The following CRTC3 variants were observed in gnomAD, a reference collection of about 807,000 sequenced individuals.
The protein encoded by CRTC3 is CREB regulated transcription coactivator 3, also known as CREB-regulated transcription coactivator 3.
In CRTC3, 26 loss-of-function variants were observed where a neutral mutation model predicts 74.5. The observed-to-expected ratio is 0.35, with a 90% CI of 0.26 to 0.48. The LOEUF (loss-of-function observed/expected upper bound fraction) is 0.48, where lower values mean the gene tolerates loss of function less well. Ranked by LOEUF, CRTC3 falls within the 20% of genes least tolerant of loss-of-function variation. The pLI, the probability that CRTC3 is intolerant of heterozygous loss-of-function variation, is 0.99. For missense variants in CRTC3, 760 were observed against 787.3 expected (o/e 0.97, Z 0.41); for synonymous variants, 377 against 325.8 (o/e 1.16, Z -1.69).
At chr15:90,637,338 G>T (rs1195092380) in intron 11 of CRTC3, among the ~76,000 whole-genome samples, 1 of 152,128 alleles carries the variant, frequency 6.6e-6, no homozygotes, top group Non-Finnish European at 1.5e-5. Flanking sequence ...CTCACTCATA[G>T]GTGGGAATTG....
At chr15:90,630,290 G>C (rs1968989867) in intron 11 of CRTC3, among the ~76,000 whole-genome samples, 2 of 152,176 alleles carry the variant, frequency 1.3e-5, no homozygotes, top group African/African-American at 2.4e-5. Flanking sequence ...CCTTCCTGAA[G>C]CTTTGATAAT....
chr15:90,577,770 G>A (rs1374654554), intron 2 of CRTC3, among the ~76,000 whole-genome samples: 2 of 152,098 alleles, frequency 1.3e-5, no homozygotes, highest in African/African-American at 4.8e-5. Context: ...AGTGAAATAA[G>A]AGAAAGACAA....
chr15:90,549,672 C>T (rs528266265), intron 2 of CRTC3, among the ~76,000 whole-genome samples: 111 of 150,344 alleles, frequency 7.4e-4, no homozygotes, highest in Non-Finnish European at 1.1e-3. Context: ...TGTATACATG[C>T]TCTTATTCAC....
At chr15:90,598,145 C>G in intron 3 of CRTC3, 1 of 384,410 alleles carries the variant, frequency 2.6e-6, no homozygotes, top group Non-Finnish European at 4.8e-6. Flanking sequence ...ACACAGAGTT[C>G]CAGAGCAGGA....
chr15:90,582,622 G>A (rs1219845481), intron 2 of CRTC3, among the ~76,000 whole-genome samples: 1 of 152,146 alleles, frequency 6.6e-6, no homozygotes, highest in Non-Finnish European at 1.5e-5. Context: ...ATATAACACT[G>A]TATTGTTAAT....
intron 2 of CRTC3, among the ~76,000 whole-genome samples, chr15:90,592,042 T>TAA (rs1305456790): frequency 6.6e-6 from 1 of 152,234 alleles, no homozygotes; most frequent in Non-Finnish European, 1.5e-5. Flanking sequence ...TCGGAACTGT[T>TAA]AGACTAATTT....
chr15:90,626,140 G>T, intron 10 of CRTC3, 147 bp downstream of exon 10: 1 of 695,234 alleles, frequency 1.4e-6, no homozygotes, highest in Non-Finnish European at 2.5e-6. Context: ...TGACCCTGCG[G>T]ACATTTTTCT....
At chr15:90,565,045 C>A (rs936416885) in intron 2 of CRTC3, among the ~76,000 whole-genome samples, 11 of 152,172 alleles carry the variant, frequency 7.2e-5, no homozygotes, top group African/African-American at 2.7e-4. Flanking sequence ...CGGGTTCAAG[C>A]GATTCTCCTG....
chr15:90,578,494 T>C (rs1967459658), intron 2 of CRTC3, among the ~76,000 whole-genome samples: 1 of 151,646 alleles, frequency 6.6e-6, no homozygotes, highest in African/African-American at 2.4e-5. Context: ...ACAGAGGGTA[T>C]AGTAAGCTGA....
At chr15:90,594,714 C>T (rs916832048) in intron 3 of CRTC3, 2 of 152,116 alleles carry the variant, frequency 1.3e-5, no homozygotes, top group East Asian at 1.9e-4. Context: ...CTCACTGAGT[C>T]GTTAATTTTT....
In CRTC3 at chr15:90,604,439, A is replaced by G; in HGVS notation, c.468A>G (p.Ala156=). The part of the protein sequence containing the change: ...EKHPGFRLTS[A]LNRTNSDSAL... ...ATCCTGGGTTCAGGCTGACATCTGCACTTAACAGGTACATGGGTTGTTTCC... is the reference window on the plus strand; with the variant it reads ...ATCCTGGGTTCAGGCTGACATCTGCGCTTAACAGGTACATGGGTTGTTTCC... The change falls in exon 5 of 15, where the codon GCA becomes GCG. Residue 156 remains alanine (A), a synonymous_variant. Transcript: ENST00000268184. 6 of 1,613,178 alleles carry G rather than the reference A, an allele frequency of 3.7e-6. No individual in the cohort carries two copies. Among genetic ancestry groups the G allele is most frequent in the East Asian group, 2.2e-5 (1 of 44,888 alleles).
At chr15:90,602,871 G>A (rs1000708568) in intron 4 of CRTC3, among the ~76,000 whole-genome samples, 1 of 152,000 alleles carries the variant, frequency 6.6e-6, no homozygotes, top group Non-Finnish European at 1.5e-5. Context: ...CTACTTGGGA[G>A]GCTGAAGCAG....
intron 2 of CRTC3, among the ~76,000 whole-genome samples, chr15:90,584,394 T>C (rs567078538): frequency 3.6e-4 from 55 of 152,178 alleles, no homozygotes; most frequent in Non-Finnish European, 6.0e-4. Context: ...TGTACCACCA[T>C]GCTTGGCTAA....
chr15:90,633,963 G>C (rs11073941), intron 11 of CRTC3, among the ~76,000 whole-genome samples: 35,163 of 151,060 alleles, frequency 0.23, 4,445 homozygotes, highest in African/African-American at 0.35. Flanking sequence ...TTATTCCACA[G>C]ATGCAATATC....
Position 90,628,445 on chromosome 15 carries a change from C to G in CRTC3, c.968-789C>G, listed in dbSNP as rs1302967775. The stretch of plus-strand genomic sequence containing the variant: ...AGCAGCAGCAGCCGAATAATTGATT[C>G]ACTGGGCGAACCTGCTCCATGCCAG... On this transcript the variant is annotated intron_variant, in intron 10 of 14. Coordinates refer to ENST00000268184, the MANE Select transcript of CRTC3 (RefSeq NM_022769.5). Among the ~76,000 whole-genome samples the G allele has an allele frequency of 2.6e-5, 4 of 152,144 alleles. 1 individual carries two copies. In the East Asian group the frequency reaches 5.8e-4, roughly 22 times the overall value.
intron 2 of CRTC3, among the ~76,000 whole-genome samples, chr15:90,557,893 G>A (rs1420672078): frequency 6.6e-6 from 1 of 152,094 alleles, no homozygotes; most frequent in Non-Finnish European, 1.5e-5. Flanking sequence ...GTTTCCCTGT[G>A]CCTTGTTTTT....
intron 2 of CRTC3, among the ~76,000 whole-genome samples, chr15:90,548,008 C>CCCTCAG (rs1383233515): frequency 1.3e-5 from 2 of 151,718 alleles, no homozygotes; most frequent in Admixed American, 6.6e-5. Context: ...CCTGTCTCAG[C>CCCTCAG]CCCCCAGGGT....
intron 10 of CRTC3, among the ~76,000 whole-genome samples, chr15:90,628,146 G>A (rs753978172): frequency 6.6e-6 from 1 of 151,570 alleles, no homozygotes; most frequent in Non-Finnish European, 1.5e-5. Flanking sequence ...GAACCCGGGA[G>A]ACGGAGCTTG....
chr15:90,642,078 G>C lies in CRTC3; in HGVS notation c.1798G>C (p.Asp600His). 1.2e-6 allele frequency: 2 copies of C among 1,614,042 alleles called. No homozygotes were observed. The highest frequency in any genetic ancestry group is 2.2e-5 in the East Asian group (1 of 44,884). ...LSLDGLNMLS[D>H]SSMGLLDPSV... The stretch of plus-strand genomic sequence containing the variant: ...CCTGGACGGACTCAACATGTTAAGT[G>C]ACTCCAGCATGGGCCTGCTGGACCC... Residue 600 changes from aspartate to histidine, a missense_variant, in exon 15 of 15, where the codon GAC becomes CAC. Coordinates refer to ENST00000268184, the MANE Select transcript of CRTC3 (RefSeq NM_022769.5).
Sources: allele counts gnomAD v4.1 joint callset (sites outside exome capture counted in the v4.1 genomes callset), GRCh38; gene constraint gnomAD v4.1.1; transcripts MANE v1.5; gene names NCBI Gene and HGNC (gene_info 2026-07-23, HGNC 2026-07-21).